POC1A: variants seen among roughly 807,000 people sequenced by gnomAD.
POC1A encodes the protein POC1 centriolar protein homolog A.
In POC1A, 34 loss-of-function variants were observed where a neutral mutation model predicts 47.8. The ratio of observed to expected loss-of-function variants is 0.71; its 90% CI spans 0.54 to 0.95. POC1A has a LOEUF of 0.95. Ranked by LOEUF, POC1A falls within the 40% of genes least tolerant of loss-of-function variation. The pLI, the probability that POC1A is intolerant of heterozygous loss-of-function variation, is 0.00. For synonymous variants in POC1A, 177 were observed against 207.6 expected, an observed-to-expected ratio of 0.85 and a Z score of 1.27; for missense variants, 466 against 528.3, an observed-to-expected ratio of 0.88 and a Z score of 1.16.
chr3:52,133,801 C>T (rs1704328669), intron 7 of POC1A, among the ~76,000 whole-genome samples: 4 of 152,170 alleles, frequency 2.6e-5, no homozygotes, highest in East Asian at 3.8e-4. Flanking sequence ...TCCTGGCACC[C>T]GCAGAGCCCC....
chr3:52,098,235 A>G (rs992269646), intron 9 of POC1A, among the ~76,000 whole-genome samples: 1 of 152,148 alleles, frequency 6.6e-6, no homozygotes, highest in African/African-American at 2.4e-5. Flanking sequence ...AGCAGTGCAG[A>G]CACACACTCT....
intron 6 of POC1A, among the ~76,000 whole-genome samples, chr3:52,142,782 G>A (rs143594944): frequency 6.6e-6 from 1 of 152,286 alleles, no homozygotes; most frequent in Non-Finnish European, 1.5e-5. Context: ...CCCTTCCTGG[G>A]GAATGAGCCT....
intron 7 of POC1A, 102 bp from the exon 8 acceptor site, chr3:52,125,283 A>G: frequency 1.0e-6 from 1 of 995,952 alleles, no homozygotes. Context: ...GCAGCAGGAT[A>G]AAGGACCGAG....
intron 9 of POC1A, among the ~76,000 whole-genome samples, chr3:52,101,371 T>C (rs1211075165): frequency 8.3e-6 from 1 of 121,042 alleles, no homozygotes; most frequent in African/African-American, 3.3e-5. Flanking sequence ...TAATAAAACA[T>C]TATGAGACAC....
At position 52,138,204 on chromosome 3, in the gene POC1A, C is replaced by T. The variant is rs752640934; in HGVS notation, c.778G>A (p.Glu260Lys). The change falls in exon 7 of 11, where the codon GAG (glutamate) becomes AAG (lysine). Residue 260 changes from glutamate (E) to lysine (K), a missense_variant. Transcript: ENST00000296484. ...TGGAGTGTGTAGAGCAGCCGGCCCTCCATCAGGTCCAGGATCTTCAGGGTT... is the reference window on the plus strand; with the variant it reads ...TGGAGTGTGTAGAGCAGCCGGCCCTTCATCAGGTCCAGGATCTTCAGGGTT... Reference protein sequence around the residue: ...DSTLKILDLMEGRLLYTLHGH... With the variant: ...DSTLKILDLMKGRLLYTLHGH... 9 of 1,614,200 alleles carry T rather than the reference C, an allele frequency of 5.6e-6. No individual in the cohort carries two copies. The highest frequency in any genetic ancestry group is 6.8e-6 in the Non-Finnish European group (8 of 1,180,010).
rs1242486793 is a variant in POC1A at position 52,079,680 on chromosome 3, G to A, written c.1126-3695C>T. On this transcript the variant is annotated intron_variant, in intron 10 of 10. Transcript: ENST00000296484. This position sits in a 1 kb window ranked among gnomAD's most constrained non-coding sequence, Gnocchi z 4.6. Reference sequence around the variant, plus strand: ...GGAAACTGCTTTGCCTGACACAAGCGTCCATGGCTTCTGGCTTTGGGGCAG... The same window carrying A: ...GGAAACTGCTTTGCCTGACACAAGCATCCATGGCTTCTGGCTTTGGGGCAG... 3.3e-5 allele frequency among the ~76,000 whole-genome samples: 5 copies of A among 152,194 alleles called. No individual in the cohort carries two copies. Among genetic ancestry groups the A allele is most frequent in the African/African-American group, 4.8e-5 (2 of 41,436 alleles).
intron 1 of POC1A, among the ~76,000 whole-genome samples, chr3:52,153,042 TA>T (rs1698606675): frequency 6.6e-6 from 1 of 152,238 alleles, no homozygotes; most frequent in African/African-American, 2.4e-5. Flanking sequence ...GTATGACTGT[TA>T]TTGAGTATGG....
intron 10 of POC1A, among the ~76,000 whole-genome samples, chr3:52,085,242 C>T (rs1197249122): frequency 6.6e-6 from 1 of 152,198 alleles, no homozygotes; most frequent in Non-Finnish European, 1.5e-5. Context: ...AGCTGGGCTC[C>T]TCCTGCACTA....
rs1474156796 is a variant in POC1A at position 52,151,025 on chromosome 3, T to G, written c.94A>C (p.Lys32Gln). Residue 32 changes from lysine (K) to glutamine (Q), a missense_variant, in exon 2 of 11, where the codon AAG becomes CAG. Lys to Gln is a moderately conservative substitution (Grantham distance 53). Coordinates refer to ENST00000296484, the MANE Select transcript of POC1A (RefSeq NM_015426.5). ...GGGTGCCTCTTCTTACCCAGCTGCT[T>G]TGTGTTGATACTGAAGTCCACACAG... ...VTCVDFSINTKQLASGSMDSC... is the reference protein window; with the variant it reads ...VTCVDFSINTQQLASGSMDSC... 8 of 1,613,780 alleles carry G rather than the reference T, an allele frequency of 5.0e-6. 1 individual carries two copies. Among genetic ancestry groups the G allele is most frequent in the Middle Eastern group, 1.7e-4 (1 of 6,058 alleles).
chr3:52,092,992 T>C (rs1208335729), intron 10 of POC1A, among the ~76,000 whole-genome samples: 4 of 152,144 alleles, frequency 2.6e-5, no homozygotes, highest in Admixed American at 1.3e-4. Flanking sequence ...GCCCCTGGGA[T>C]GGAGCCATGA....
intron 9 of POC1A, among the ~76,000 whole-genome samples, chr3:52,118,996 G>T (rs1703670461): frequency 6.8e-6 from 1 of 147,862 alleles, no homozygotes. Context: ...AGTTGCTAAA[G>T]GCAAAAGGTT....
At chr3:52,146,071 T>C in intron 5 of POC1A, 110 bp from the exon 6 acceptor site, 1 of 655,874 alleles carries the variant, frequency 1.5e-6, no homozygotes, top group African/African-American at 1.8e-5. Flanking sequence ...CGCTGTTCCC[T>C]TGACCCAGAC....
intron 9 of POC1A, among the ~76,000 whole-genome samples, chr3:52,099,645 G>A (rs1702930759): frequency 6.6e-6 from 1 of 152,176 alleles, no homozygotes; most frequent in Non-Finnish European, 1.5e-5. Flanking sequence ...GAGGACAGGA[G>A]TTCAAGACAA....
chr3:52,130,054 C>T (rs551110824), intron 7 of POC1A, among the ~76,000 whole-genome samples: 18 of 152,324 alleles, frequency 1.2e-4, no homozygotes, highest in South Asian at 4.1e-4. Context: ...CACCTTCTCC[C>T]GCCTGACTCT....
intron 10 of POC1A, among the ~76,000 whole-genome samples, chr3:52,093,903 C>A (rs117986917): frequency 6.6e-6 from 1 of 152,310 alleles, no homozygotes; most frequent in East Asian, 1.9e-4. Flanking sequence ...AGACTGTGAG[C>A]CTCTGAAATA....
At chr3:52,112,671 A>G (rs1183950381) in intron 9 of POC1A, among the ~76,000 whole-genome samples, 1 of 152,072 alleles carries the variant, frequency 6.6e-6, no homozygotes. Flanking sequence ...CAAACAAACA[A>G]ACACACAAAA....
intron 10 of POC1A, among the ~76,000 whole-genome samples, chr3:52,085,932 G>C (rs1263953875): frequency 6.6e-6 from 1 of 152,210 alleles, no homozygotes; most frequent in African/African-American, 2.4e-5. Flanking sequence ...GGGATGTTGG[G>C]GGAGCCATGG....
In POC1A at chr3:52,138,171, G is replaced by C. The variant is rs374720071; in HGVS notation, c.811C>G (p.Gln271Glu). ...GRLLYTLHGH[Q>E]GPATTVAFSR... ...AGCACCTGGCCGACACCTCTCACCT[G>C]ATGCCCGTGGAGTGTGTAGAGCAGC... Residue 271 changes from glutamine (Q) to glutamate (E), a missense_variant and splice_region_variant, in exon 7 of 11, where the codon CAG (glutamine) becomes GAG (glutamate). Physicochemically the swap from Gln to Glu is conservative, Grantham distance 29. Transcript: ENST00000296484. 1.2e-6 allele frequency: 2 copies of C among 1,614,082 alleles called. No individual in the cohort carries two copies. Among genetic ancestry groups the C allele is most frequent in the African/African-American group, 2.7e-5 (2 of 75,006 alleles).
chr3:52,149,819 T>C lies in POC1A; in HGVS notation c.272A>G (p.Asn91Ser), dbSNP rs1434628619. 4 of 1,612,880 alleles carry C rather than the reference T, an allele frequency of 2.5e-6. No individual in the cohort carries two copies. Among genetic ancestry groups the C allele is most frequent in the Non-Finnish European group, 2.5e-6 (3 of 1,179,544 alleles). The change falls in exon 3 of 11, where the codon AAT becomes AGT. Residue 91 changes from asparagine (N) to serine (S), a missense_variant. Asn to Ser is a conservative substitution (Grantham distance 46). Coordinates refer to ENST00000296484, the MANE Select transcript of POC1A (RefSeq NM_015426.5). ...CTCCTCAAAGTGTACGACTCACACA[T>C]TGGGTACCCAGATGCGGACAGTCTT... ...RDKTVRIWVP[N>S]VKGESTVFRA...
Sources: allele counts gnomAD v4.1 joint callset (sites outside exome capture counted in the v4.1 genomes callset), GRCh38; gene constraint gnomAD v4.1.1; non-coding constraint Gnocchi (gnomAD v3.1); transcripts MANE v1.5; gene names NCBI Gene and HGNC (gene_info 2026-07-23, HGNC 2026-07-21).